The following TRAPPC9 variants were observed in gnomAD, a reference collection of about 807,000 sequenced individuals.
The protein encoded by TRAPPC9 is IKK2 binding protein.
TRAPPC9 carries 83 observed loss-of-function variants against 124.0 expected under a neutral mutation model. That is an observed-to-expected ratio of 0.67 (90% CI 0.56 to 0.80). The LOEUF is 0.80. TRAPPC9 is among the 30% of genes least tolerant of loss of function. The pLI is 0.00. For missense variants in TRAPPC9, 1,302 were observed against 1,508.3 expected (o/e 0.86, Z 2.27); for synonymous variants, 638 against 617.5 (o/e 1.03, Z -0.49).
At position 139,855,283 on chromosome 8, in the gene TRAPPC9, G is replaced by C. The variant is rs932900422; in HGVS notation, c.3055+30596C>G. ...GTTTTCCTCGGTAATCAGGTGAGCA[G>C]GCCTGGGCTTTCCAGACCTCCTGTT... On this transcript the variant is annotated intron_variant, in intron 21 of 22. Transcript: ENST00000438773. Among the ~76,000 whole-genome samples the C allele has an allele frequency of 2.0e-5, 3 of 152,318 alleles. No homozygotes were observed. In the South Asian group the frequency reaches 6.2e-4, roughly 32 times the overall value.
At chr8:140,183,833 T>C (rs1472791557) in intron 17 of TRAPPC9, among the ~76,000 whole-genome samples, 1 of 139,728 alleles carries the variant, frequency 7.2e-6, no homozygotes, top group Non-Finnish European at 1.5e-5. Context: ...CCAGCCTGAG[T>C]GACAGAATGA....
intron 18 of TRAPPC9, among the ~76,000 whole-genome samples, chr8:140,012,979 A>G (rs1286640617): frequency 6.6e-6 from 1 of 152,176 alleles, no homozygotes; most frequent in Non-Finnish European, 1.5e-5. Flanking sequence ...TGTGTGCTCA[A>G]TAACCATCCA....
intron 8 of TRAPPC9, among the ~76,000 whole-genome samples, chr8:140,366,937 AAAG>A (rs1227203290): frequency 6.6e-6 from 1 of 152,228 alleles, no homozygotes; most frequent in East Asian, 1.9e-4. Flanking sequence ...ACATTTCACC[AAAG>A]AAGGTATCCA....
Position 139,910,289 on chromosome 8 carries a change from T to C in TRAPPC9, c.2822A>G (p.Gln941Arg). Residue 941 changes from glutamine to arginine, a missense_variant, in exon 20 of 23, where the codon CAA (glutamine) becomes CGA (arginine). Transcript: ENST00000438773. ...ACTCTCAAAGTTGAACTTGTCCACTTGAATAGCCATTCTACGAGAAAGGGG... is the reference window on the plus strand; with the variant it reads ...ACTCTCAAAGTTGAACTTGTCCACTCGAATAGCCATTCTACGAGAAAGGGG... ...HAGECQRMAIQVDKFNFESFP... is the reference protein window; with the variant it reads ...HAGECQRMAIRVDKFNFESFP... The C allele has an allele frequency of 6.2e-7, 1 of 1,614,198 alleles. No homozygotes were observed. The highest frequency in any genetic ancestry group is 8.5e-7 in the Non-Finnish European group (1 of 1,180,046).
chr8:140,360,064 A>G lies in TRAPPC9; in HGVS notation c.1481T>C (p.Phe494Ser). The part of the protein sequence containing the change: ...LSFLLQTMLD[F>S]LSDQEKKDVA... ...AGCTCACTCACCCTGATCCGACAAG[A>G]AGTCCAGCATGGTCTGTAGAAGGAA... The change falls in exon 9 of 23, where the codon TTC becomes TCC. Residue 494 changes from phenylalanine (F) to serine (S), a missense_variant. Transcript: ENST00000438773. 6.2e-7 allele frequency: 1 copy of G among 1,614,218 alleles called. No individual in the cohort carries two copies. Among genetic ancestry groups the G allele is most frequent in the Non-Finnish European group, 8.5e-7 (1 of 1,180,038 alleles).
At chr8:140,450,699 T>C (rs1307873535) in intron 2 of TRAPPC9, 91 bp downstream of exon 2, 2 of 1,025,248 alleles carry the variant, frequency 2.0e-6, no homozygotes, top group Non-Finnish European at 3.0e-6. Context: ...GGACAACACC[T>C]TTCTACTCCT....
Position 139,767,275 on chromosome 8 carries a change from G to A in TRAPPC9, c.3056-35073C>T, listed in dbSNP as rs571689436. Among the ~76,000 whole-genome samples the A allele has an allele frequency of 5.9e-5, 9 of 152,346 alleles. No homozygotes were observed. In the South Asian group the frequency reaches 6.2e-4, roughly 11 times the overall value. On this transcript the variant is annotated intron_variant, in intron 21 of 22. Coordinates refer to ENST00000438773, the MANE Select transcript of TRAPPC9 (RefSeq NM_001160372.4). ...GCACAGATGTGAGCCAAGTCTGTGCGCCTCCAAAGCCTTGCTTTTCCCACT... is the reference window on the plus strand; with the variant it reads ...GCACAGATGTGAGCCAAGTCTGTGCACCTCCAAAGCCTTGCTTTTCCCACT...
chr8:140,310,619 C>G (rs555990705), intron 10 of TRAPPC9, among the ~76,000 whole-genome samples: 28 of 152,268 alleles, frequency 1.8e-4, no homozygotes, highest in African/African-American at 6.5e-4. Flanking sequence ...GAGTGACAGT[C>G]ACACAGAAAG....
chr8:140,422,915 A>G (rs908923535), intron 5 of TRAPPC9, among the ~76,000 whole-genome samples: 34 of 152,208 alleles, frequency 2.2e-4, no homozygotes, highest in Non-Finnish European at 8.8e-5. Flanking sequence ...AGGGACATGC[A>G]AACCAAAACT....
chr8:140,405,716 G>T lies in TRAPPC9; in HGVS notation c.887-18C>A, dbSNP rs748833180. On this transcript the variant is annotated intron_variant, in intron 5 of 22. Coordinates refer to ENST00000438773, the MANE Select transcript of TRAPPC9 (RefSeq NM_001160372.4). ...GAGGGCACCTGCAAACCAAGAGGAA[G>T]AAAAGAAATAATCTTTTGCTTTTTC... is the stretch of plus-strand genomic sequence containing the variant. The T allele has an allele frequency of 1.9e-6, 3 of 1,614,028 alleles. No individual in the cohort carries two copies. In the South Asian group the frequency reaches 3.3e-5, roughly 18 times the overall value.
chr8:139,994,884 A>G (rs1837867935), intron 18 of TRAPPC9, among the ~76,000 whole-genome samples: 1 of 152,010 alleles, frequency 6.6e-6, no homozygotes, highest in Admixed American at 6.6e-5. Flanking sequence ...GTAAAAACAG[A>G]GGAAAGGTCA....
intron 17 of TRAPPC9, 87 bp downstream of exon 17, chr8:140,221,372 T>C: frequency 1.9e-6 from 3 of 1,575,788 alleles, no homozygotes; most frequent in South Asian, 1.1e-5. Flanking sequence ...CTTTCCTTTC[T>C]GAAAAGGACT....
Position 140,451,617 on chromosome 8 carries a change from G to T in TRAPPC9, c.-10-234C>A, listed in dbSNP as rs543741978. Among the ~76,000 whole-genome samples, 4 of 152,250 alleles carry T rather than the reference G, an allele frequency of 2.6e-5. No homozygotes were observed. The South Asian group carries it at 8.3e-4, about 32-fold the overall frequency. ...CAGCATGGAGCTTCTACAGAAATGG[G>T]GCTGTTTCTTGTCTTTCTATTCTCA... On this transcript the variant is annotated intron_variant, in intron 1 of 22. Coordinates refer to ENST00000438773, the MANE Select transcript of TRAPPC9 (RefSeq NM_001160372.4).
intron 9 of TRAPPC9, among the ~76,000 whole-genome samples, chr8:140,322,675 A>T (rs943212008): frequency 6.6e-6 from 1 of 152,052 alleles, no homozygotes; most frequent in Non-Finnish European, 1.5e-5. Flanking sequence ...CAAAAAAAAA[A>T]AAATGTAAAA....
intron 21 of TRAPPC9, among the ~76,000 whole-genome samples, chr8:139,777,659 G>A (rs1821486895): frequency 6.6e-6 from 1 of 152,218 alleles, no homozygotes; most frequent in African/African-American, 2.4e-5. Context: ...TGAGGCTTCT[G>A]CTTCCAGTCA....
chr8:139,925,904 G>A (rs1358680339), intron 19 of TRAPPC9, among the ~76,000 whole-genome samples: 2 of 152,058 alleles, frequency 1.3e-5, no homozygotes, highest in African/African-American at 2.4e-5. Flanking sequence ...TGGGAAAGCC[G>A]TGAAATGAGA....
At chr8:140,458,161 AGGG>A, upstream of TRAPPC9, 1 of 1,507,120 alleles carries the variant, frequency 6.6e-7, no homozygotes, top group Non-Finnish European at 8.9e-7. Context: ...AGGGAGATGG[AGGG>A]AGATGGAGCG....
rs1363253379 is a variant in TRAPPC9 at position 140,181,101 on chromosome 8, T to C, written c.2556+40358A>G. 2.6e-5 allele frequency among the ~76,000 whole-genome samples: 4 copies of C among 152,334 alleles called. No individual in the cohort carries two copies. In the East Asian group the frequency reaches 7.7e-4, roughly 29 times the overall value. On this transcript the variant is annotated intron_variant, in intron 17 of 22. Coordinates refer to ENST00000438773, the MANE Select transcript of TRAPPC9 (RefSeq NM_001160372.4). ...TCTTATTCTATGCTCTCAACTATTC[T>C]TTCACATTTTCTACCTGTCTCACTG...
chr8:140,311,136 A>C (rs1345547210), intron 10 of TRAPPC9, 112 bp downstream of exon 10: 5 of 1,343,222 alleles, frequency 3.7e-6, no homozygotes, highest in Non-Finnish European at 5.2e-6. Flanking sequence ...AATGAACCCG[A>C]TACACAGCCA....
Sources: gnomAD v4.1 joint callset for allele counts (sites outside exome capture counted in the v4.1 genomes callset) on GRCh38, gnomAD v4.1.1 for gene constraint, MANE v1.5 for transcripts, NCBI Gene and HGNC (gene_info 2026-07-23, HGNC 2026-07-21) for gene names.